The following FBXL5 variants were observed in gnomAD, a reference collection of about 807,000 sequenced individuals.
FBXL5 encodes F-box/LRR-repeat protein 5.
In FBXL5, 26 loss-of-function variants were observed where a neutral mutation model predicts 78.3. The observed-to-expected ratio is 0.33, with a 90% confidence interval of 0.24 to 0.46. The LOEUF (loss-of-function observed/expected upper bound fraction) is 0.46, where lower values mean the gene tolerates loss of function less well. FBXL5 is among the 20% of genes least tolerant of loss of function. The pLI, the probability that FBXL5 is intolerant of heterozygous loss-of-function variation, is 1.00. For synonymous variants in FBXL5, 295 were observed against 282.5 expected (o/e 1.04, Z -0.45); for missense variants, 710 against 829.2 (o/e 0.86, Z 1.77).
intron 1 of FBXL5, among the ~76,000 whole-genome samples, chr4:15,651,028 G>A (rs1054582263): frequency 2.0e-5 from 3 of 152,102 alleles, no homozygotes; most frequent in Non-Finnish European, 2.9e-5. Flanking sequence ...ACTTAAAGAC[G>A]ATACAGTACA....
intron 8 of FBXL5, among the ~76,000 whole-genome samples, chr4:15,626,604 A>G (rs1577443647): frequency 6.6e-6 from 1 of 152,230 alleles, no homozygotes; most frequent in Non-Finnish European, 1.5e-5. Flanking sequence ...TTAAAAACAT[A>G]TAATACCAAT....
At chr4:15,627,440 T>C (rs999019194) in intron 7 of FBXL5, among the ~76,000 whole-genome samples, 3 of 152,190 alleles carry the variant, frequency 2.0e-5, no homozygotes, top group Non-Finnish European at 2.9e-5. Flanking sequence ...CCCAAGTATC[T>C]GTTTTAGCAG....
chr4:15,610,284 A>G (rs1444375102), intron 10 of FBXL5, among the ~76,000 whole-genome samples: 2 of 152,104 alleles, frequency 1.3e-5, no homozygotes, highest in African/African-American at 2.4e-5. Context: ...ATGAGAGAGC[A>G]TTGCTTTAAG....
At chr4:15,617,877 T>C (rs1004495890) in intron 9 of FBXL5, among the ~76,000 whole-genome samples, 2 of 151,984 alleles carry the variant, frequency 1.3e-5, no homozygotes, top group Non-Finnish European at 2.9e-5. Flanking sequence ...AATACGTGAG[T>C]GATGGGATGC....
chr4:15,625,790 T>A lies in FBXL5; in HGVS notation c.1312A>T (p.Met438Leu). ...CAGGCATACTGCTTGGTGGACTGCA[T>A]GGTAATGTCTTTATTTTTCCACGCA... ...STAWKNKDIT[M>L]QSTKQYACLH... The change falls in exon 9 of 11, where the codon ATG becomes TTG. Residue 438 changes from methionine to leucine, a missense_variant. Physicochemically the swap from Met to Leu is conservative, Grantham distance 15. This residue lies in a region of FBXL5 where 517 missense variants were observed against 542.9 expected (regional missense o/e 0.95). Transcript: ENST00000341285. The A allele has an allele frequency of 1.9e-6, 3 of 1,614,196 alleles. No homozygotes were observed. The highest frequency in any genetic ancestry group is 2.5e-6 in the Non-Finnish European group (3 of 1,180,034).
At chr4:15,665,564 CAA>C (rs1717506105) in intron 1 of FBXL5, among the ~76,000 whole-genome samples, 1 of 151,956 alleles carries the variant, frequency 6.6e-6, no homozygotes, top group Non-Finnish European at 1.5e-5. Flanking sequence ...AAATATAACC[CAA>C]GTTTATATTT....
chr4:15,628,880 T>G (rs1301922471), intron 6 of FBXL5, among the ~76,000 whole-genome samples: 3 of 152,024 alleles, frequency 2.0e-5, no homozygotes, highest in Non-Finnish European at 4.4e-5. Flanking sequence ...ATTCTTTTGT[T>G]TCTGTGGCCC....
At chr4:15,637,390 A>C (rs1485884281) in intron 4 of FBXL5, among the ~76,000 whole-genome samples, 1 of 152,240 alleles carries the variant, frequency 6.6e-6, no homozygotes, top group Non-Finnish European at 1.5e-5. Context: ...AATGAAAATG[A>C]AGTGTTACAA....
At chr4:15,616,927 G>C (rs1577428462) in intron 9 of FBXL5, among the ~76,000 whole-genome samples, 1 of 152,292 alleles carries the variant, frequency 6.6e-6, no homozygotes, top group Non-Finnish European at 1.5e-5. Context: ...GCAGTGGCAA[G>C]CTGCCTCTTT....
At chr4:15,648,105 A>C (rs1304109876) in intron 1 of FBXL5, among the ~76,000 whole-genome samples, 2 of 151,972 alleles carry the variant, frequency 1.3e-5, no homozygotes, top group African/African-American at 4.8e-5. Flanking sequence ...GATCCTCCTG[A>C]CTCAGCATCC....
intron 1 of FBXL5, among the ~76,000 whole-genome samples, chr4:15,648,096 A>C (rs1207973230): frequency 6.6e-6 from 1 of 152,126 alleles, no homozygotes; most frequent in Non-Finnish European, 1.5e-5. Flanking sequence ...GCTTCAAGCG[A>C]TCCTCCTGAC....
chr4:15,657,354 G>A (rs993633051), upstream of FBXL5, among the ~76,000 whole-genome samples: 1 of 152,220 alleles, frequency 6.6e-6, no homozygotes, highest in African/African-American at 2.4e-5. Context: ...AAAAAAGAAT[G>A]AGGGTAGTTC....
intron 2 of FBXL5, 55 bp downstream of exon 2, chr4:15,644,436 GAT>G: frequency 7.1e-7 from 1 of 1,400,544 alleles, no homozygotes; most frequent in South Asian, 1.2e-5. Flanking sequence ...TTTTGCCAAT[GAT>G]ATACCAGAAG....
chr4:15,635,281 C>G (rs1320669247), intron 5 of FBXL5, among the ~76,000 whole-genome samples: 2 of 148,844 alleles, frequency 1.3e-5, no homozygotes, highest in African/African-American at 5.0e-5. Flanking sequence ...TGCAGTGATC[C>G]AAGATCGTGC....
rs193033038 is a variant in FBXL5, at chr4:15,605,209, C to T, written c.*514G>A. ...CAATTTATTCTATAATCCTAAAGAACCTTAAATGTGGGTTTGTTTGAATTG... is the reference window on the plus strand; with the variant it reads ...CAATTTATTCTATAATCCTAAAGAATCTTAAATGTGGGTTTGTTTGAATTG... On this transcript the variant is annotated 3_prime_UTR_variant, in exon 11 of 11. Transcript: ENST00000341285. 1 of 152,864 alleles carries T rather than the reference C, an allele frequency of 6.5e-6. No individual in the cohort carries two copies. The highest frequency in any genetic ancestry group is 2.4e-5 in the African/African-American group (1 of 41,422). The allele number at this position is 152,864 out of a possible 1,614,324, so 9.5% of individuals were successfully genotyped here.
At chr4:15,625,073 G>A (rs141844027) in intron 9 of FBXL5, among the ~76,000 whole-genome samples, 179 bp downstream of exon 9, 1 of 152,198 alleles carries the variant, frequency 6.6e-6, no homozygotes, top group Non-Finnish European at 1.5e-5. Context: ...TGACAGAAAT[G>A]AAACTTCATA....
intron 1 of FBXL5, among the ~76,000 whole-genome samples, chr4:15,652,571 T>C (rs1329555040): frequency 6.6e-6 from 1 of 152,218 alleles, no homozygotes; most frequent in African/African-American, 2.4e-5. Flanking sequence ...GTCTAAGACA[T>C]ACATCTGTCA....
At position 15,655,292 on chromosome 4, in the gene FBXL5, A is replaced by G; in HGVS notation, c.-5T>C. Reference sequence around the variant, plus strand: ...TTCTTCAGGAAAGGGCGCCATCGCCACTGCCTCAGCCTCCGCCTCAGCAGC... The same window carrying G: ...TTCTTCAGGAAAGGGCGCCATCGCCGCTGCCTCAGCCTCCGCCTCAGCAGC... On this transcript the variant is annotated 5_prime_UTR_variant, in exon 1 of 11. Transcript: ENST00000341285. The G allele has an allele frequency of 7.0e-7, 1 of 1,420,362 alleles. No individual in the cohort carries two copies. Among genetic ancestry groups the G allele is most frequent in the African/African-American group, 1.5e-5 (1 of 67,780 alleles). 88.0% of individuals were successfully genotyped at this position (1,420,362 alleles called of 1,614,324 possible).
intron 1 of FBXL5, among the ~76,000 whole-genome samples, chr4:15,667,383 C>T (rs946588341): frequency 6.6e-6 from 1 of 152,274 alleles, no homozygotes; most frequent in South Asian, 2.1e-4. Context: ...TACCAAGTTG[C>T]AGTACCCTCT....
Sources: allele counts gnomAD v4.1 joint callset (sites outside exome capture counted in the v4.1 genomes callset), GRCh38; gene constraint gnomAD v4.1.1; regional missense constraint gnomAD v4.1.1; transcripts MANE v1.5; gene names NCBI Gene and HGNC (gene_info 2026-07-23, HGNC 2026-07-21).